Variants in PTK2B observed in about 807,000 individuals in gnomAD.
PTK2B encodes the protein protein-tyrosine kinase 2-beta.
Under a neutral mutation model 142.9 loss-of-function variants are expected in PTK2B, and 71 were observed. The observed-to-expected ratio is 0.50, with a 90% CI of 0.41 to 0.61. The LOEUF is 0.61. Among genes scored for constraint, PTK2B ranks in the 20% least tolerant of loss-of-function variants. The pLI is 0.00. For missense variants in PTK2B, 1,105 were observed against 1,320.4 expected (o/e 0.84, Z 2.53); for synonymous variants, 519 against 503.4 (o/e 1.03, Z -0.42).
rs146332286 is a variant in PTK2B at position 27,394,551 on chromosome 8, T to C, written c.-37-2997T>C. ...CTCGGAATCTGCGAGTGAGTGTGAGTGAATGTGATGGCACAGGACATTACT... is the reference window on the plus strand; with the variant it reads ...CTCGGAATCTGCGAGTGAGTGTGAGCGAATGTGATGGCACAGGACATTACT... On this transcript the variant is annotated intron_variant, in intron 1 of 30. Transcript: ENST00000346049. Among the ~76,000 whole-genome samples, 168 of 152,284 alleles carry C rather than the reference T, an allele frequency of 1.1e-3. 1 individual carries two copies. The highest frequency in any genetic ancestry group is 3.6e-3 in the African/African-American group (150 of 41,552).
At chr8:27,378,631 GTGTGTGT>G (rs1806822292) in intron 1 of PTK2B, among the ~76,000 whole-genome samples, 1 of 146,488 alleles carries the variant, frequency 6.8e-6, no homozygotes, top group African/African-American at 2.7e-5. Flanking sequence ...GTGTGTGTGT[GTGTGTGT>G]GTGTGTGTGT....
At chr8:27,445,359 G>A (rs1811399981) in intron 23 of PTK2B, among the ~76,000 whole-genome samples, 1 of 152,182 alleles carries the variant, frequency 6.6e-6, no homozygotes, top group Non-Finnish European at 1.5e-5. Context: ...GCTGCAGTGA[G>A]CTGTGATCAT....
Position 27,363,057 on chromosome 8 carries a change from G to A in PTK2B, c.-37-34491G>A, listed in dbSNP as rs1166184738. 1.3e-5 allele frequency among the ~76,000 whole-genome samples: 2 copies of A among 152,304 alleles called. No homozygotes were observed. Among genetic ancestry groups the A allele is most frequent in the African/African-American group, 2.4e-5 (1 of 41,576 alleles). ...ATAGCATCACTCCTGTTCTCGTCAT[G>A]GTGGAAAATGACTAAAAACTCAGGA... On this transcript the variant is annotated intron_variant, in intron 1 of 30. Coordinates refer to ENST00000346049, the MANE Select transcript of PTK2B (RefSeq NM_173176.3). The surrounding 1 kb of genome is among the most constrained non-coding windows in gnomAD (Gnocchi z 4.3).
chr8:27,364,332 T>A (rs1805892710), intron 1 of PTK2B, among the ~76,000 whole-genome samples: 1 of 152,218 alleles, frequency 6.6e-6, no homozygotes, highest in South Asian at 2.1e-4. Flanking sequence ...CCTCCAAGAA[T>A]TCCAGGTCCT....
intron 3 of PTK2B, among the ~76,000 whole-genome samples, chr8:27,315,199 T>G (rs1252822321): frequency 1.3e-5 from 2 of 152,236 alleles, no homozygotes; most frequent in Admixed American, 1.3e-4. Flanking sequence ...ATGGTTCTCC[T>G]GCAATTACCT....
chr8:27,422,154 G>GCT (rs1809795427), intron 4 of PTK2B, 150 bp from the exon 5 acceptor site: 2 of 646,960 alleles, frequency 3.1e-6, no homozygotes, highest in African/African-American at 1.9e-5. Flanking sequence ...TTCCCCTCGT[G>GCT]CTCTCCATCC....
intron 3 of PTK2B, 141 bp from the exon 4 acceptor site, chr8:27,420,516 C>A: frequency 1.3e-6 from 1 of 783,816 alleles, no homozygotes; most frequent in Admixed American, 2.2e-5. Context: ...AAAAACCAGC[C>A]CTGAATGAGT....
intron 24 of PTK2B, among the ~76,000 whole-genome samples, chr8:27,449,651 A>G (rs755274023): frequency 3.9e-5 from 6 of 152,254 alleles, no homozygotes; most frequent in Non-Finnish European, 7.3e-5. Flanking sequence ...GAGGATGCCA[A>G]TAATATTCCT....
intron 22 of PTK2B, 56 bp downstream of exon 22, chr8:27,443,039 G>C: frequency 1.5e-6 from 2 of 1,366,242 alleles, no homozygotes; most frequent in Non-Finnish European, 2.1e-6. Context: ...CCAGGTCCCT[G>C]TCTGATCCAT....
intron 1 of PTK2B, among the ~76,000 whole-genome samples, chr8:27,385,398 C>T (rs983832258): frequency 7.2e-5 from 11 of 152,260 alleles, no homozygotes; most frequent in Admixed American, 2.0e-4. Flanking sequence ...TCAGAGTTGG[C>T]GATAACTTTC....
Position 27,436,212 on chromosome 8 carries a change from G to A in PTK2B, c.1244-39G>A, listed in dbSNP as rs202119472. 3,026 of 1,600,916 alleles carry A rather than the reference G, an allele frequency of 1.9e-3. 9 individuals are homozygous for A. Among genetic ancestry groups the A allele is most frequent in the Non-Finnish European group, 2.2e-3 (2,590 of 1,168,996 alleles). The stretch of plus-strand genomic sequence containing the variant: ...CTCAGGTTCCCTAGGGGATACCACC[G>A]ATCTCTGTGATCTGCGACTGTTTTC... On this transcript the variant is annotated intron_variant, in intron 14 of 30. Transcript: ENST00000346049.
intron 1 of PTK2B, among the ~76,000 whole-genome samples, chr8:27,350,338 A>C (rs1441847556): frequency 1.3e-5 from 2 of 151,332 alleles, no homozygotes; most frequent in South Asian, 4.2e-4. Context: ...GAGTCTGGCC[A>C]TGAGCCAGAG....
At chr8:27,381,103 A>T (rs1463365449) in intron 1 of PTK2B, among the ~76,000 whole-genome samples, 1 of 152,224 alleles carries the variant, frequency 6.6e-6, no homozygotes, top group African/African-American at 2.4e-5. Flanking sequence ...GTACAGAATG[A>T]TATTTGAATA....
At chr8:27,453,906 T>G in intron 28 of PTK2B, 1 of 484,812 alleles carries the variant, frequency 2.1e-6, no homozygotes, top group South Asian at 2.5e-5. Flanking sequence ...GCACCCTATG[T>G]CCAGGTGGTG....
At position 27,454,194 on chromosome 8, in the gene PTK2B, T is replaced by C. The variant is rs766694378; in HGVS notation, c.2636T>C (p.Leu879Pro). The C allele has an allele frequency of 4.3e-6, 7 of 1,614,088 alleles. No homozygotes were observed. The highest frequency in any genetic ancestry group is 3.3e-5 in the South Asian group (3 of 91,078). Residue 879 changes from leucine to proline, a missense_variant, in exon 29 of 31, where the codon CTG becomes CCG. By Grantham distance (98) the Leu-to-Pro change is moderately conservative. Transcript: ENST00000346049. ...PTANLDRTDDLVYLNVMELVR... is the reference protein window; with the variant it reads ...PTANLDRTDDPVYLNVMELVR... ...GCTAACCTGGACCGGACTGATGACC[T>C]GGTGTACCTCAATGTCATGGAGCTG...
At chr8:27,406,536 C>G (rs1808723403) in intron 2 of PTK2B, among the ~76,000 whole-genome samples, 1 of 152,174 alleles carries the variant, frequency 6.6e-6, no homozygotes, top group Admixed American at 6.5e-5. Context: ...AATAGAGACT[C>G]ACCGAATGTG....
chr8:27,335,083 G>T (rs1258668026), intron 1 of PTK2B, among the ~76,000 whole-genome samples: 3 of 152,218 alleles, frequency 2.0e-5, no homozygotes, highest in African/African-American at 7.2e-5. Context: ...CCGGGAAAAT[G>T]GGAGAGATTT....
At chr8:27,432,411 T>C in intron 10 of PTK2B, 50 bp downstream of exon 10, 1 of 1,556,338 alleles carries the variant, frequency 6.4e-7, no homozygotes, top group South Asian at 1.1e-5. Context: ...GGGGGTATAA[T>C]GGCAGATTGG....
intron 1 of PTK2B, among the ~76,000 whole-genome samples, chr8:27,332,458 C>T (rs1803812958): frequency 1.3e-5 from 2 of 152,190 alleles, no homozygotes; most frequent in African/African-American, 2.4e-5. Flanking sequence ...TGTCTGACAT[C>T]GCCAAGTGAT....
Sources: gnomAD v4.1 joint callset for allele counts (sites outside exome capture counted in the v4.1 genomes callset) on GRCh38, gnomAD v4.1.1 for gene constraint, Gnocchi (gnomAD v3.1) non-coding constraint, MANE v1.5 for transcripts, NCBI Gene and HGNC (gene_info 2026-07-23, HGNC 2026-07-21) for gene names.